DNAAF10: variants seen among roughly 807,000 people sequenced by gnomAD.
DNAAF10 encodes the protein WD repeat domain 92.
A neutral mutation model predicts 43.7 loss-of-function variants in DNAAF10; 28 were observed. The observed-to-expected ratio is 0.64, with a 90% CI of 0.48 to 0.88. The LOEUF (loss-of-function observed/expected upper bound fraction) is 0.88. DNAAF10 is among the 40% of genes least tolerant of loss of function. The pLI is 0.00. For synonymous variants in DNAAF10, 156 were observed against 157.3 expected (o/e 0.99, Z 0.06); for missense variants, 403 against 439.1 (o/e 0.92, Z 0.73).
chr2:68,155,148 T>C (rs1042294306), intron 1 of DNAAF10, among the ~76,000 whole-genome samples: 1 of 150,220 alleles, frequency 6.7e-6, no homozygotes, highest in African/African-American at 2.5e-5. Flanking sequence ...AGTGAGACCC[T>C]GTTTCAAAAA....
intron 6 of DNAAF10, among the ~76,000 whole-genome samples, 161 bp downstream of exon 6, chr2:68,137,138 T>C (rs1271592181): frequency 6.6e-6 from 1 of 152,166 alleles, no homozygotes; most frequent in African/African-American, 2.4e-5. Flanking sequence ...TTTGGGGAAG[T>C]ACTCTTTGCA....
intron 3 of DNAAF10, 130 bp from the exon 4 acceptor site, chr2:68,141,925 C>T (rs1422025159): frequency 5.4e-6 from 4 of 738,944 alleles, no homozygotes; most frequent in Non-Finnish European, 9.2e-6. Flanking sequence ...AAAATATCCA[C>T]ATTGTTCTGA....
chr2:68,145,196 T>C (rs1673285742), intron 2 of DNAAF10, among the ~76,000 whole-genome samples: 1 of 148,572 alleles, frequency 6.7e-6, no homozygotes, highest in Non-Finnish European at 1.5e-5. Context: ...CCAGCCTGGG[T>C]GACAGAGCAA....
At chr2:68,153,303 C>G (rs57490467) in intron 1 of DNAAF10, among the ~76,000 whole-genome samples, 1 of 139,352 alleles carries the variant, frequency 7.2e-6, no homozygotes, top group Non-Finnish European at 1.5e-5. Flanking sequence ...ATCTTTTCTT[C>G]TTAGATGCAC....
intron 1 of DNAAF10, among the ~76,000 whole-genome samples, chr2:68,153,741 T>A (rs1424547916): frequency 7.1e-6 from 1 of 141,206 alleles, no homozygotes; most frequent in African/African-American, 2.7e-5. Flanking sequence ...CCAAACACAA[T>A]GAAGTTTTTT....
intron 7 of DNAAF10, 64 bp downstream of exon 7, chr2:68,134,638 A>T (rs1362460478): frequency 3.8e-6 from 6 of 1,573,376 alleles, no homozygotes; most frequent in Non-Finnish European, 5.1e-6. Flanking sequence ...AAAAAAGTTC[A>T]ATCTAATCCT....
intron 1 of DNAAF10, among the ~76,000 whole-genome samples, chr2:68,153,262 A>G (rs1673499037): frequency 6.6e-6 from 1 of 152,006 alleles, no homozygotes; most frequent in African/African-American, 2.4e-5. Context: ...AGACTTCAAC[A>G]AAGACTGATA....
At chr2:68,156,169 G>A (rs573541639) in intron 1 of DNAAF10, among the ~76,000 whole-genome samples, 3 of 148,178 alleles carry the variant, frequency 2.0e-5, no homozygotes, top group East Asian at 2.0e-4. Context: ...TACAAGGAAC[G>A]AAGGAAAGGT....
At position 68,139,213 on chromosome 2, in the gene DNAAF10, C is replaced by T. The variant is rs183051039; in HGVS notation, c.518-356G>A. Among the ~76,000 whole-genome samples the T allele has an allele frequency of 3.3e-3, 506 of 152,142 alleles. 4 individuals carry two copies. The highest frequency in any genetic ancestry group is 0.011 in the African/African-American group (467 of 41,492). On this transcript the variant is annotated intron_variant, in intron 4 of 7. Transcript: ENST00000295121. Reference sequence around the variant, plus strand: ...GTCCTTATGGTAATGAGTTTTCGCTCTTCTAGTTCATGTGAGGTCTGGTTG... The same window carrying T: ...GTCCTTATGGTAATGAGTTTTCGCTTTTCTAGTTCATGTGAGGTCTGGTTG...
chr2:68,141,119 A>G, intron 4 of DNAAF10, among the ~76,000 whole-genome samples: 1 of 152,250 alleles, frequency 6.6e-6, no homozygotes, highest in South Asian at 2.1e-4. Flanking sequence ...AATGTCAATT[A>G]GTCTTCCAAA....
intron 5 of DNAAF10, 142 bp downstream of exon 5, chr2:68,138,600 C>A: frequency 3.1e-6 from 2 of 642,688 alleles, no homozygotes; most frequent in South Asian, 4.0e-5. Flanking sequence ...GATTCTCAAA[C>A]GGATTTGGCC....
At chr2:68,147,780 TTCCTC>T (rs1323118925) in intron 1 of DNAAF10, among the ~76,000 whole-genome samples, 10 of 152,208 alleles carry the variant, frequency 6.6e-5, no homozygotes, top group African/African-American at 2.4e-4. Flanking sequence ...TAATTTGCCT[TTCCTC>T]TCCTCTCACT....
At position 68,130,914 on chromosome 2, in the gene DNAAF10, C is replaced by CTT. The variant is rs879114176; in HGVS notation, c.*322_*323dup. 0.087 allele frequency: 10,670 copies of CTT among 122,466 alleles called. 923 individuals are homozygous for CTT. The highest frequency in any genetic ancestry group is 0.16 in the African/African-American group (4,427 of 26,988). The allele number at this position is 122,466 out of a possible 1,614,324, so 7.6% of individuals were successfully genotyped here. Reference sequence around the variant, plus strand: ...CTCTGGAAGGTTTCAAGTCCAAAGTCTTTTTTTTTTTTTTTTTTTTTGAGA... The same window carrying CTT: ...CTCTGGAAGGTTTCAAGTCCAAAGTCTTTTTTTTTTTTTTTTTTTTTTTGAGA... On this transcript the variant is annotated 3_prime_UTR_variant, in exon 8 of 8. Transcript: ENST00000295121.
intron 6 of DNAAF10, 82 bp from the exon 7 acceptor site, chr2:68,134,881 A>C (rs1673003601): frequency 6.8e-7 from 1 of 1,470,090 alleles, no homozygotes; most frequent in Non-Finnish European, 9.4e-7. Context: ...AAAAACTCTT[A>C]CAACTATAAT....
At chr2:68,146,046 G>A (rs751115585) in intron 2 of DNAAF10, among the ~76,000 whole-genome samples, 7 of 152,146 alleles carry the variant, frequency 4.6e-5, no homozygotes, top group Non-Finnish European at 8.8e-5. Flanking sequence ...TAGATCACCT[G>A]AGGTCAGGAG....
intron 1 of DNAAF10, among the ~76,000 whole-genome samples, chr2:68,152,684 C>T (rs765456239): frequency 2.6e-5 from 4 of 151,932 alleles, no homozygotes. Flanking sequence ...TCAATATATA[C>T]TAACAATTTT....
In DNAAF10 at chr2:68,134,795, T is replaced by C. The variant is rs745874556; in HGVS notation, c.773A>G (p.His258Arg). ...KGFASVSEKAHKSTVWQVRHL... is the reference protein window; with the variant it reads ...KGFASVSEKARKSTVWQVRHL... ...TCGGACCTGCCACACAGTAGATTTA[T>C]GAGCCTAAATAGAACAAGAGGCATA... Residue 258 changes from histidine to arginine, a missense_variant, in exon 7 of 8, where the codon CAT becomes CGT. Physicochemically the swap from His to Arg is conservative, Grantham distance 29 (BLOSUM62 0). Transcript: ENST00000295121. 6.2e-7 allele frequency: 1 copy of C among 1,613,522 alleles called. No individual in the cohort carries two copies. Among genetic ancestry groups the C allele is most frequent in the South Asian group, 1.1e-5 (1 of 90,918 alleles).
intron 3 of DNAAF10, 100 bp from the exon 4 acceptor site, chr2:68,141,895 G>A: frequency 2.1e-6 from 2 of 948,292 alleles, no homozygotes; most frequent in Admixed American, 3.9e-5. Context: ...ATGGCAATAT[G>A]ACAGATGTTA....
Position 68,146,275 on chromosome 2 carries a change from A to T in DNAAF10, c.284+1192T>A, listed in dbSNP as rs931267261. On this transcript the variant is annotated intron_variant, in intron 2 of 7. Coordinates refer to ENST00000295121, the MANE Select transcript of DNAAF10 (RefSeq NM_138458.4). ...AGACTCCATCTCAAAGACAAAAAAA[A>T]TTTTTTGAGATATTTCAACCTAGTT... 2.3e-4 allele frequency among the ~76,000 whole-genome samples: 35 copies of T among 152,294 alleles called. 1 individual carries two copies. The highest frequency in any genetic ancestry group is 1.8e-3 in the Admixed American group (28 of 15,300).
Sources: allele counts gnomAD v4.1 joint callset (sites outside exome capture counted in the v4.1 genomes callset), GRCh38; gene constraint gnomAD v4.1.1; transcripts MANE v1.5; gene names NCBI Gene and HGNC (gene_info 2026-07-23, HGNC 2026-07-21).